LUZP2: variants seen among roughly 807,000 people sequenced by gnomAD.
LUZP2 encodes leucine zipper protein 2.
A neutral mutation model predicts 51.6 loss-of-function variants in LUZP2; 52 were observed. The ratio of observed to expected loss-of-function variants is 1.01; its 90% CI spans 0.81 to 1.27. The LOEUF (loss-of-function observed/expected upper bound fraction) is 1.27. LUZP2 is among the 50% of genes most tolerant of loss of function. The pLI, the probability that LUZP2 is intolerant of heterozygous loss-of-function variation, is 0.00. For synonymous variants in LUZP2, 154 were observed against 137.3 expected (o/e 1.12, Z -0.85); for missense variants, 436 against 395.4 (o/e 1.10, Z -0.87).
intron 5 of LUZP2, among the ~76,000 whole-genome samples, chr11:24,854,735 C>T (rs1851503982): frequency 6.6e-6 from 1 of 151,508 alleles, no homozygotes; most frequent in South Asian, 2.1e-4. Flanking sequence ...CCATTTTGTG[C>T]TTGAAACCCA....
intron 1 of LUZP2, among the ~76,000 whole-genome samples, chr11:24,598,528 GT>G (rs1427650426): frequency 6.6e-6 from 1 of 152,074 alleles, no homozygotes; most frequent in East Asian, 1.9e-4. Context: ...GCATCAGCAG[GT>G]TAGGTGCAAG....
chr11:24,897,378 C>T (rs1037421470), intron 5 of LUZP2, among the ~76,000 whole-genome samples: 2 of 152,186 alleles, frequency 1.3e-5, no homozygotes, highest in South Asian at 2.1e-4. Context: ...TCTGCTCTTT[C>T]TTTGGGTCTG....
rs561945089 is a variant in LUZP2, at chr11:24,843,664, G to C, written c.397-62327G>C. Among the ~76,000 whole-genome samples the C allele has an allele frequency of 2.0e-5, 3 of 152,268 alleles. No individual in the cohort carries two copies. In the South Asian group the frequency reaches 6.2e-4, roughly 32 times the overall value. ...ACAACAAAGAAGAGTGATATGGTTTGGCTGTGTCCCCACCCAAATCTCATC... is the reference window on the plus strand; with the variant it reads ...ACAACAAAGAAGAGTGATATGGTTTCGCTGTGTCCCCACCCAAATCTCATC... On this transcript the variant is annotated intron_variant, in intron 5 of 11. Transcript: ENST00000336930.
At chr11:24,887,211 TG>T (rs1276238397) in intron 5 of LUZP2, among the ~76,000 whole-genome samples, 3 of 152,060 alleles carry the variant, frequency 2.0e-5, no homozygotes, top group Non-Finnish European at 2.9e-5. Context: ...TGTTTTGTTT[TG>T]TTTTGTTTTC....
chr11:25,040,343 A>AGTTTTTTTTTTTTT (rs1858011478), intron 9 of LUZP2, among the ~76,000 whole-genome samples: 1 of 98,828 alleles, frequency 1.0e-5, no homozygotes. Flanking sequence ...TTTCTTTCCG[A>AGTTTTTTTTTTTTT]TTTTTTTTTT....
At chr11:24,529,235 C>A (rs1027413511) in intron 1 of LUZP2, among the ~76,000 whole-genome samples, 1 of 150,976 alleles carries the variant, frequency 6.6e-6, no homozygotes, top group African/African-American at 2.4e-5. Context: ...CAAAAAAAAC[C>A]TGGCATAGTA....
At chr11:24,759,875 G>A (rs984776223) in intron 4 of LUZP2, among the ~76,000 whole-genome samples, 1 of 152,254 alleles carries the variant, frequency 6.6e-6, no homozygotes, top group South Asian at 2.1e-4. Context: ...TTTCACCAAG[G>A]TTAAGGACAT....
At chr11:24,698,921 G>T (rs1209843453) in intron 1 of LUZP2, among the ~76,000 whole-genome samples, 1 of 151,986 alleles carries the variant, frequency 6.6e-6, no homozygotes, top group African/African-American at 2.4e-5. Context: ...AGCTGATTGT[G>T]GTGGTGCACA....
chr11:24,780,448 A>C (rs1033314623), intron 5 of LUZP2, among the ~76,000 whole-genome samples: 2 of 152,156 alleles, frequency 1.3e-5, no homozygotes, highest in African/African-American at 2.4e-5. Context: ...TTAAACATGT[A>C]ATAAACTTAT....
intron 5 of LUZP2, among the ~76,000 whole-genome samples, chr11:24,900,010 T>G (rs535226934): frequency 6.6e-6 from 1 of 152,322 alleles, no homozygotes; most frequent in East Asian, 1.9e-4. Flanking sequence ...CTAAATGAAC[T>G]TCACCATCTT....
At chr11:25,017,975 T>C (rs1857205457) in intron 9 of LUZP2, among the ~76,000 whole-genome samples, 1 of 152,134 alleles carries the variant, frequency 6.6e-6, no homozygotes, top group Admixed American at 6.5e-5. Context: ...TTTGTAGTTC[T>C]CCTTGTAGAG....
chr11:24,616,015 T>C (rs989136782), intron 1 of LUZP2, among the ~76,000 whole-genome samples: 2 of 143,106 alleles, frequency 1.4e-5, no homozygotes, highest in African/African-American at 5.6e-5. Flanking sequence ...TTTGGTTGCC[T>C]TTTTTTTTTC....
At chr11:24,736,744 A>G (rs866935253) in intron 3 of LUZP2, among the ~76,000 whole-genome samples, 1 of 152,058 alleles carries the variant, frequency 6.6e-6, no homozygotes, top group Middle Eastern at 3.4e-3. Context: ...ATAATAATGG[A>G]AGCCCAGATT....
intron 5 of LUZP2, among the ~76,000 whole-genome samples, chr11:24,899,437 T>C (rs1301619109): frequency 6.6e-6 from 1 of 150,812 alleles, no homozygotes; most frequent in Non-Finnish European, 1.5e-5. Flanking sequence ...AACTGTGAGG[T>C]TGTAAACAAA....
chr11:24,797,148 A>G (rs957156526), intron 5 of LUZP2, among the ~76,000 whole-genome samples: 5 of 152,204 alleles, frequency 3.3e-5, no homozygotes, highest in African/African-American at 1.2e-4. Context: ...ATTAATATGT[A>G]TCAAACACAT....
At position 24,718,668 on chromosome 11, in the gene LUZP2, G is replaced by A. The variant is rs189282489; in HGVS notation, c.63-10501G>A. Among the ~76,000 whole-genome samples, 453 of 152,196 alleles carry A rather than the reference G, an allele frequency of 3.0e-3. 6 individuals carry two copies. Among genetic ancestry groups the A allele is most frequent in the East Asian group, 1.7e-3 (9 of 5,182 alleles). ...ATCAAACAACATTTTTTCAGTCAAAGCATTCAATTTTGTGGTGAAACACAT... is the reference window on the plus strand; with the variant it reads ...ATCAAACAACATTTTTTCAGTCAAAACATTCAATTTTGTGGTGAAACACAT... On this transcript the variant is annotated intron_variant, in intron 1 of 11. Coordinates refer to ENST00000336930, the MANE Select transcript of LUZP2 (RefSeq NM_001009909.4).
chr11:24,810,541 T>C (rs1194753109), intron 5 of LUZP2, among the ~76,000 whole-genome samples: 1 of 151,966 alleles, frequency 6.6e-6, no homozygotes, highest in African/African-American at 2.4e-5. Flanking sequence ...ACAAATGTTA[T>C]TGTCTATCAT....
chr11:24,546,202 C>T (rs1013565143), intron 1 of LUZP2, among the ~76,000 whole-genome samples: 1 of 151,912 alleles, frequency 6.6e-6, no homozygotes, highest in Admixed American at 6.6e-5. Flanking sequence ...GGGGTTTCTT[C>T]GATACAGGAT....
intron 9 of LUZP2, among the ~76,000 whole-genome samples, chr11:25,001,731 C>T (rs1018024246): frequency 1.3e-5 from 2 of 152,058 alleles, no homozygotes; most frequent in East Asian, 2.0e-4. Context: ...CTCTTTCTCT[C>T]TTTCCTTCTT....
Sources: gnomAD v4.1 joint callset for allele counts (sites outside exome capture counted in the v4.1 genomes callset) on GRCh38, gnomAD v4.1.1 for gene constraint, MANE v1.5 for transcripts, NCBI Gene and HGNC (gene_info 2026-07-23, HGNC 2026-07-21) for gene names.